Variants in SHE observed in about 807,000 individuals in gnomAD.
The protein encoded by SHE is Src homology 2 domain containing E.
Under a neutral mutation model 49.8 loss-of-function variants are expected in SHE, and 11 were observed. That is an observed-to-expected ratio of 0.22 (90% confidence interval 0.14 to 0.37). SHE has a LOEUF of 0.37. Among genes scored for constraint, SHE ranks in the 10% least tolerant of loss-of-function variants. The pLI is 1.00. For synonymous variants in SHE, 310 were observed against 278.1 expected, an observed-to-expected ratio of 1.11 and a Z score of -1.14; for missense variants, 624 against 655.5, an observed-to-expected ratio of 0.95 and a Z score of 0.52.
chr1:154,480,823 G>GGT lies in SHE; in HGVS notation c.*3324_*3325dup, dbSNP rs1377856457. 11 of 985,212 alleles carry GGT rather than the reference G, an allele frequency of 1.1e-5. No individual in the cohort carries two copies. The African/African-American group carries it at 1.7e-4, about 16-fold the overall frequency. 61.0% of individuals were successfully genotyped at this position (985,212 alleles called of 1,614,324 possible). ...GCAGGCCATCCTGAGATACAACTAT[G>GGT]GTATCAAAGTAAATAGCAAGGTCCT... On this transcript the variant is annotated 3_prime_UTR_variant, in exon 6 of 6. Transcript: ENST00000304760.
chr1:154,500,057 G>GT (rs148931059), intron 1 of SHE, among the ~76,000 whole-genome samples: 37,716 of 152,014 alleles, frequency 0.25, 5,074 homozygotes, highest in African/African-American at 0.33. Context: ...GAGTTTAGAA[G>GT]TAACACTGGA....
chr1:154,470,220 C>T (rs764125456), exon 2 of SHE: 24 of 962,924 alleles, frequency 2.5e-5, no homozygotes, highest in Admixed American at 1.2e-4. Flanking sequence ...GGCCAGGCTG[C>T]GTGGGCCATG....
At chr1:154,486,321 G>A (rs1163009894) in intron 4 of SHE, among the ~76,000 whole-genome samples, 2 of 152,186 alleles carry the variant, frequency 1.3e-5, no homozygotes, top group African/African-American at 4.8e-5. Flanking sequence ...AGAAGAATAA[G>A]ACTTACAATG....
downstream of SHE, among the ~76,000 whole-genome samples, chr1:154,477,890 C>CAAAAAAAAAAAA (rs35912019): frequency 1.9e-5 from 2 of 104,354 alleles, no homozygotes; most frequent in Non-Finnish European, 3.8e-5. Flanking sequence ...GACACTGTCT[C>CAAAAAAAAAAAA]AAAAAAAAAA....
chr1:154,495,487 A>T (rs1282351996), intron 2 of SHE, among the ~76,000 whole-genome samples: 1 of 151,956 alleles, frequency 6.6e-6, no homozygotes, highest in Non-Finnish European at 1.5e-5. Context: ...TTTTGGGGGG[A>T]CCCAGGCTTC....
In SHE at chr1:154,482,377, A is replaced by G; in HGVS notation, c.*1772T>C. The stretch of plus-strand genomic sequence containing the variant: ...GAAAAGTTCCTCTTAAATTTTTAAA[A>G]TCAAAGATCACACAACCTTTTGGCT... On this transcript the variant is annotated 3_prime_UTR_variant, in exon 6 of 6. Coordinates refer to ENST00000304760, the MANE Select transcript of SHE (RefSeq NM_001010846.3). The G allele has an allele frequency of 1.0e-6, 1 of 985,402 alleles. No individual in the cohort carries two copies. Among genetic ancestry groups the G allele is most frequent in the Non-Finnish European group, 1.2e-6 (1 of 829,916 alleles). The allele number at this position is 985,402 out of a possible 1,614,324, so 61.0% of individuals were successfully genotyped here.
chr1:154,481,716 T>C lies in SHE; in HGVS notation c.*2433A>G. On this transcript the variant is annotated 3_prime_UTR_variant, in exon 6 of 6. Coordinates refer to ENST00000304760, the MANE Select transcript of SHE (RefSeq NM_001010846.3). ...TAAGTTTAACACAATGAATAATTTG[T>C]ATAAAGATAATAAATATTTGTTGAA... 1.0e-6 allele frequency: 1 copy of C among 958,066 alleles called. No homozygotes were observed. The highest frequency in any genetic ancestry group is 1.2e-6 in the Non-Finnish European group (1 of 805,018). The allele number at this position is 958,066 out of a possible 1,614,324, so 59.3% of individuals were successfully genotyped here. A position where few individuals can be genotyped will look rare whatever the true frequency, so the allele number is the denominator to read the frequency against.
rs552438132 is a variant in SHE, at chr1:154,501,239, C to G, written c.591+197G>C. ...TACATTTCTGCAAAACTCCCCACCT[C>G]TAAAATAAGAGTTTTTCAAGAATTA... On this transcript the variant is annotated intron_variant, in intron 1 of 5. Transcript: ENST00000304760. 3.3e-5 allele frequency among the ~76,000 whole-genome samples: 5 copies of G among 152,306 alleles called. No individual in the cohort carries two copies. The South Asian group carries it at 1.0e-3, about 32-fold the overall frequency.
chr1:154,473,080 C>T (rs1328359448), intron 1 of SHE, among the ~76,000 whole-genome samples: 2 of 151,924 alleles, frequency 1.3e-5, no homozygotes, highest in African/African-American at 2.4e-5. Flanking sequence ...CTCACCACAA[C>T]CTCTGCCTCC....
downstream of SHE, among the ~76,000 whole-genome samples, chr1:154,477,890 C>CAAAAAAAAAA (rs35912019): frequency 1.9e-5 from 2 of 104,310 alleles, no homozygotes; most frequent in African/African-American, 7.6e-5. Context: ...GACACTGTCT[C>CAAAAAAAAAA]AAAAAAAAAA....
In SHE at chr1:154,489,050, C is replaced by T; in HGVS notation, c.1024+1G>A. 1 of 1,558,200 alleles carries T rather than the reference C, an allele frequency of 6.4e-7. No individual in the cohort carries two copies. The highest frequency in any genetic ancestry group is 8.7e-7 in the Non-Finnish European group (1 of 1,151,088). On this transcript the variant is annotated splice_donor_variant, in intron 3 of 5. Transcript: ENST00000304760. LOFTEE classifies it high-confidence loss of function. ...GGGCGGGCCTGGCCTGGCGCCCTCA[C>T]CTGACAGAGCCCGCACGATCTGCTC...
At chr1:154,476,501 G>A (rs1342624727), downstream of SHE, among the ~76,000 whole-genome samples, 1 of 152,038 alleles carries the variant, frequency 6.6e-6, no homozygotes, top group Non-Finnish European at 1.5e-5. Flanking sequence ...AAATTAGCCA[G>A]GTGTGGTGGT....
In SHE at chr1:154,501,972, G is replaced by C; in HGVS notation, c.55C>G (p.Leu19Val). Residue 19 changes from leucine to valine, a missense_variant, in exon 1 of 6, where the codon CTC (leucine) becomes GTC (valine). This residue lies in a region of SHE where 337 missense variants were observed against 306.0 expected (regional missense o/e 1.10). Coordinates refer to ENST00000304760, the MANE Select transcript of SHE (RefSeq NM_001010846.3). ...ASACLGWASS[L>V]ACSTAPTLLG... ...AGCGTCGGGGCCGTGGAGCAGGCGA[G>C]CGAGGAAGCCCAGCCCAGACACGCA... 1 of 1,424,180 alleles carries C rather than the reference G, an allele frequency of 7.0e-7. No individual in the cohort carries two copies. Among genetic ancestry groups the C allele is most frequent in the Non-Finnish European group, 9.1e-7 (1 of 1,099,154 alleles). The allele number at this position is 1,424,180 out of a possible 1,614,324, so 88.2% of individuals were successfully genotyped here. A position where few individuals can be genotyped will look rare whatever the true frequency, so the allele number is the denominator to read the frequency against.
Position 154,484,175 on chromosome 1 carries a change from A to G in SHE, c.1462T>C (p.Tyr488His), listed in dbSNP as rs750526626. The G allele has an allele frequency of 2.5e-6, 4 of 1,614,152 alleles. No homozygotes were observed. Among genetic ancestry groups the G allele is most frequent in the East Asian group, 2.2e-5 (1 of 44,886 alleles). ...TAGTGAAGCTTGCTGTGCACTGGGT[A>G]GAGTAAAGTCATGTGTTCTGCCCCT... The part of the protein sequence containing the change: ...FKGAEHMTLL[Y>H]PVHSKLH The change falls in exon 6 of 6, where the codon TAC becomes CAC. Residue 488 changes from tyrosine (Y) to histidine (H), a missense_variant. Tyr to His is a moderately conservative substitution (Grantham distance 83). Around this residue, in one of 4 missense-constraint regions of SHE, gnomAD observed 125 missense variants for 181.7 expected, o/e 0.69. Transcript: ENST00000304760.
downstream of SHE, among the ~76,000 whole-genome samples, chr1:154,476,459 A>G (rs767803928): frequency 6.6e-6 from 1 of 152,206 alleles, no homozygotes; most frequent in Admixed American, 6.5e-5. Flanking sequence ...CCTGGCCAAC[A>G]TAGTGAAACC....
Position 154,501,890 on chromosome 1 carries a change from G to A in SHE, c.137C>T (p.Pro46Leu). 6.5e-7 allele frequency: 1 copy of A among 1,528,392 alleles called. No individual in the cohort carries two copies. 94.7% of individuals were successfully genotyped at this position (1,528,392 alleles called of 1,614,324 possible). The change falls in exon 1 of 6, where the codon CCC (proline) becomes CTC (leucine). Residue 46 changes from proline (P) to leucine (L), a missense_variant. By Grantham distance (98) the Pro-to-Leu change is moderately conservative (BLOSUM62 -3). Transcript: ENST00000304760. Reference protein sequence around the residue: ...LMAAKWFKEFPLNLKTVSERA... With the variant: ...LMAAKWFKEFLLNLKTVSERA... ...CTCCGACACGGTCTTCAGGTTCAGG[G>A]GGAACTCCTTGAACCACTTGGCCGC...
chr1:154,488,188 G>A (rs764394827), intron 3 of SHE, among the ~76,000 whole-genome samples: 9 of 151,582 alleles, frequency 5.9e-5, no homozygotes, highest in Non-Finnish European at 7.4e-5. Flanking sequence ...TGATCTGCCT[G>A]CCTCGGCCTC....
At chr1:154,477,560 T>C (rs186911107), downstream of SHE, among the ~76,000 whole-genome samples, 5 of 152,240 alleles carry the variant, frequency 3.3e-5, no homozygotes, top group East Asian at 9.7e-4. Context: ...ATTCATATTG[T>C]TGTGCACCCA....
At chr1:154,498,275 T>A (rs1212546395) in intron 2 of SHE, among the ~76,000 whole-genome samples, 1 of 151,486 alleles carries the variant, frequency 6.6e-6, no homozygotes, top group Non-Finnish European at 1.5e-5. Context: ...TATTTTTTTT[T>A]AGTAGAGACA....
Sources: gnomAD v4.1 joint callset for allele counts (sites outside exome capture counted in the v4.1 genomes callset) on GRCh38, gnomAD v4.1.1 for gene constraint, gnomAD v4.1.1 regional missense constraint, MANE v1.5 for transcripts, NCBI Gene and HGNC (gene_info 2026-07-23, HGNC 2026-07-21) for gene names.